Variants in PAK3 observed in about 807,000 individuals in gnomAD.
The protein encoded by PAK3 is p21 (RAC1) activated kinase 3, also known as serine/threonine-protein kinase PAK 3.
In PAK3, 4 loss-of-function variants were observed where a neutral mutation model predicts 41.0. The observed-to-expected ratio is 0.10, with a 90% CI of 0.05 to 0.22. The LOEUF (loss-of-function observed/expected upper bound fraction) is 0.22, where lower values mean the gene tolerates loss of function less well. PAK3 is among the 10% of genes least tolerant of loss of function. The pLI, the probability that PAK3 is intolerant of heterozygous loss-of-function variation, is 1.00. For synonymous variants in PAK3, 146 were observed against 139.6 expected (o/e 1.05, Z -0.32); for missense variants, 205 against 409.9 (o/e 0.50, Z 4.32).
At chrX:110,945,262 ATGGGGC>A (rs1212273580) in intron 1 of PAK3, among the ~76,000 whole-genome samples, 1 of 110,908 alleles carries the variant, frequency 9.0e-6, no homozygotes, top group Non-Finnish European at 1.9e-5. Context: ...TGTCTGCGCC[ATGGGGC>A]TGGGCTACTC....
At chrX:111,036,721 G>T (rs1034234205) in intron 1 of PAK3, among the ~76,000 whole-genome samples, 1 of 111,533 alleles carries the variant, frequency 9.0e-6, no homozygotes, top group Non-Finnish European at 1.9e-5. Flanking sequence ...TAGTAACCAC[G>T]CATGAGAGTG....
intron 5 of PAK3, among the ~76,000 whole-genome samples, chrX:111,139,715 G>A (rs2093845185): frequency 8.9e-6 from 1 of 112,085 alleles, no homozygotes; most frequent in Non-Finnish European, 1.9e-5. Flanking sequence ...ATGTAACTCA[G>A]CCCAAGTGGA....
chrX:111,014,143 G>A (rs917362767), intron 1 of PAK3, among the ~76,000 whole-genome samples: 1 of 111,633 alleles, frequency 9.0e-6, no homozygotes, highest in African/African-American at 3.3e-5. Context: ...TCCCTACTTA[G>A]CATCTTTTCC....
chrX:111,165,307 C>A, intron 10 of PAK3, among the ~76,000 whole-genome samples: 2 of 111,832 alleles, frequency 1.8e-5, no homozygotes, highest in Middle Eastern at 9.3e-3. Flanking sequence ...GTAATAACAG[C>A]AGTAATAATT....
chrX:111,154,213 A>T (rs2094071451), intron 8 of PAK3, among the ~76,000 whole-genome samples: 1 of 111,682 alleles, frequency 9.0e-6, no homozygotes, highest in Admixed American at 9.5e-5. Context: ...ATGGAGATGA[A>T]TGGCTTTGAT....
At chrX:111,179,008 T>G (rs1369600422) in intron 11 of PAK3, among the ~76,000 whole-genome samples, 1 of 101,747 alleles carries the variant, frequency 9.8e-6, no homozygotes, top group Admixed American at 1.1e-4. Context: ...TATATCTATA[T>G]ATCTATATAT....
chrX:111,031,387 A>G (rs900730239), intron 1 of PAK3, among the ~76,000 whole-genome samples: 2 of 111,660 alleles, frequency 1.8e-5, no homozygotes, highest in Non-Finnish European at 3.8e-5. Flanking sequence ...GAAACAAATG[A>G]AGGGATTCTT....
intron 8 of PAK3, among the ~76,000 whole-genome samples, chrX:111,153,314 G>GAGAT (rs1031832616): frequency 1.9e-4 from 21 of 111,682 alleles, no homozygotes; most frequent in African/African-American, 6.5e-4. Flanking sequence ...CCAACAAACT[G>GAGAT]AGATACAGGG....
At chrX:111,217,446 C>T (rs1386148373) in intron 17 of PAK3, 3 of 805,269 alleles carry the variant, frequency 3.7e-6, no homozygotes, top group Non-Finnish European at 5.0e-6. Flanking sequence ...GCCAATTAAA[C>T]AGAAGGTGCA....
intron 16 of PAK3, among the ~76,000 whole-genome samples, chrX:111,215,732 T>C (rs1041658169): frequency 1.8e-5 from 2 of 112,180 alleles, no homozygotes; most frequent in African/African-American, 3.2e-5. Context: ...ACCATGATAA[T>C]TGGCAGGTGC....
At chrX:111,118,256 A>G (rs2093502035) in intron 4 of PAK3, among the ~76,000 whole-genome samples, 1 of 111,546 alleles carries the variant, frequency 9.0e-6, no homozygotes, top group East Asian at 2.8e-4. Context: ...TTTTGTAAAT[A>G]ACGCATCTAA....
At chrX:111,100,955 A>G (rs1272302729) in intron 3 of PAK3, among the ~76,000 whole-genome samples, 1 of 112,332 alleles carries the variant, frequency 8.9e-6, no homozygotes, top group East Asian at 2.8e-4. Flanking sequence ...TGCCCACAAC[A>G]CTATACAGAC....
chrX:111,085,644 G>C (rs2092875560), intron 1 of PAK3, among the ~76,000 whole-genome samples: 1 of 111,608 alleles, frequency 9.0e-6, no homozygotes, highest in Non-Finnish European at 1.9e-5. Context: ...CTCTTTAGCA[G>C]TGTGATTTGC....
chrX:110,996,350 A>G (rs2091738682), intron 1 of PAK3, among the ~76,000 whole-genome samples: 1 of 112,520 alleles, frequency 8.9e-6, no homozygotes, highest in Non-Finnish European at 1.9e-5. Flanking sequence ...ACTAGTGGAC[A>G]TACTAAACAC....
chrX:110,987,791 T>A (rs1473603149), intron 1 of PAK3, among the ~76,000 whole-genome samples: 1 of 111,756 alleles, frequency 8.9e-6, no homozygotes, highest in Non-Finnish European at 1.9e-5. Flanking sequence ...TCAGGATAGG[T>A]TCAAGGCCTC....
intron 1 of PAK3, among the ~76,000 whole-genome samples, chrX:111,071,908 G>A (rs1439935765): frequency 8.9e-6 from 1 of 112,077 alleles, no homozygotes; most frequent in African/African-American, 3.2e-5. Flanking sequence ...TTTCATTTGA[G>A]TGTAGAACTG....
At chrX:110,996,482 A>C (rs941055931) in intron 1 of PAK3, among the ~76,000 whole-genome samples, 3 of 111,821 alleles carry the variant, frequency 2.7e-5, no homozygotes, top group Non-Finnish European at 5.6e-5. Context: ...TTCCCCACCA[A>C]ATTATTGTGT....
Position 111,065,101 on chromosome X carries a change from G to A in PAK3, c.-27-57976G>A, listed in dbSNP as rs191437772. Among the ~76,000 whole-genome samples the A allele has an allele frequency of 6.2e-5, 7 of 112,249 alleles. No individual in the cohort carries two copies. The East Asian group carries it at 2.0e-3, about 32-fold the overall frequency. On this transcript the variant is annotated intron_variant, in intron 1 of 14. Transcript: ENST00000425146. ...AGGATTTCCAGTACTATGTTGAATA[G>A]GAGTGGTGAGAGTGAGCATCCTTGT...
intron 1 of PAK3, among the ~76,000 whole-genome samples, chrX:111,019,704 G>GA (rs1177833762): frequency 1.2e-5 from 1 of 85,160 alleles, no homozygotes; most frequent in Non-Finnish European, 2.1e-5. Context: ...AAAAAAAAAA[G>GA]AAAGAAAGAA....
Sources: gnomAD v4.1 joint callset for allele counts (sites outside exome capture counted in the v4.1 genomes callset) on GRCh38, gnomAD v4.1.1 for gene constraint, MANE v1.5 for transcripts, NCBI Gene and HGNC (gene_info 2026-07-23, HGNC 2026-07-21) for gene names.